Variants in SORCS3 observed in about 807,000 individuals in gnomAD.
SORCS3 encodes the protein VPS10 domain-containing receptor SorCS3.
SORCS3 carries 57 observed loss-of-function variants against 146.3 expected under a neutral mutation model. The ratio of observed to expected loss-of-function variants is 0.39; its 90% confidence interval spans 0.31 to 0.49. The LOEUF (loss-of-function observed/expected upper bound fraction) is 0.49. SORCS3 is among the 20% of genes least tolerant of loss of function. SORCS3 has a pLI of 0.92. For missense variants in SORCS3, 1,341 were observed against 1,575.5 expected (o/e 0.85, Z 2.52); for synonymous variants, 653 against 618.5 (o/e 1.06, Z -0.83).
intron 1 of SORCS3, among the ~76,000 whole-genome samples, chr10:104,727,005 T>A (rs866979042): frequency 2.6e-5 from 4 of 152,214 alleles, no homozygotes; most frequent in Non-Finnish European, 5.9e-5. Context: ...TAGCTCTGAT[T>A]GTCTGTCCAT....
At chr10:104,812,735 T>G (rs1048667740) in intron 1 of SORCS3, among the ~76,000 whole-genome samples, 1 of 151,958 alleles carries the variant, frequency 6.6e-6, no homozygotes, top group African/African-American at 2.4e-5. Context: ...GCTGGATGAG[T>G]AGACAGCAAG....
At chr10:104,995,311 C>T (rs1391343858) in intron 4 of SORCS3, among the ~76,000 whole-genome samples, 1 of 151,994 alleles carries the variant, frequency 6.6e-6, no homozygotes, top group African/African-American at 2.4e-5. Context: ...AGGTGCACGC[C>T]ACCATGACCG....
chr10:105,143,761 T>C (rs1020014071), intron 8 of SORCS3, among the ~76,000 whole-genome samples: 2 of 152,174 alleles, frequency 1.3e-5, no homozygotes, highest in South Asian at 4.1e-4. Context: ...AAGAGGAGTT[T>C]CATAAATCAC....
chr10:104,736,291 G>C (rs566329713), intron 1 of SORCS3, among the ~76,000 whole-genome samples: 1 of 152,298 alleles, frequency 6.6e-6, no homozygotes, highest in African/African-American at 2.4e-5. Flanking sequence ...GCCACGGCGG[G>C]GCGGGTTGAG....
intron 1 of SORCS3, among the ~76,000 whole-genome samples, chr10:104,790,476 C>A (rs756673378): frequency 1.2e-4 from 19 of 152,216 alleles, no homozygotes; most frequent in Non-Finnish European, 2.4e-4. Context: ...AAGGTCCCAT[C>A]TCTGCAGTTT....
At chr10:105,091,172 TCCTCCTTCCTTCATC>T (rs2055699970) in intron 6 of SORCS3, among the ~76,000 whole-genome samples, 2 of 123,794 alleles carry the variant, frequency 1.6e-5, no homozygotes, top group Non-Finnish European at 3.4e-5. Flanking sequence ...TCCCTTCCTT[TCCTCCTTCCTTCATC>T]CCTCCTTCCT....
intron 1 of SORCS3, among the ~76,000 whole-genome samples, chr10:104,663,873 A>G (rs1227554373): frequency 6.6e-6 from 1 of 152,008 alleles, no homozygotes; most frequent in Non-Finnish European, 1.5e-5. Flanking sequence ...GAAGATCTCT[A>G]TCATCCCCCA....
intron 4 of SORCS3, among the ~76,000 whole-genome samples, chr10:105,027,793 T>G (rs2133693228): frequency 6.6e-6 from 1 of 152,310 alleles, no homozygotes; most frequent in Admixed American, 6.5e-5. Context: ...CAGGACATGG[T>G]GCTGAAGGGC....
At chr10:104,991,130 TC>T (rs2054991511) in intron 4 of SORCS3, among the ~76,000 whole-genome samples, 1 of 152,172 alleles carries the variant, frequency 6.6e-6, no homozygotes, top group African/African-American at 2.4e-5. Flanking sequence ...GACTCCAGTT[TC>T]CATTGATCCC....
chr10:104,813,638 C>A lies in SORCS3; in HGVS notation c.628-29154C>A, dbSNP rs375854383. ...CAGCGTTGGGTCTAATGGCCTGTCC[C>A]ACACCCCTTAGCCTCTCTTCATGGG... On this transcript the variant is annotated intron_variant, in intron 1 of 26. Transcript: ENST00000369701. Among the ~76,000 whole-genome samples, 10 of 152,288 alleles carry A rather than the reference C, an allele frequency of 6.6e-5. No homozygotes were observed. In the East Asian group the frequency reaches 1.9e-3, roughly 29 times the overall value.
At chr10:104,935,988 T>C (rs2019256158) in intron 3 of SORCS3, among the ~76,000 whole-genome samples, 1 of 152,176 alleles carries the variant, frequency 6.6e-6, no homozygotes, top group Non-Finnish European at 1.5e-5. Context: ...GCATCAGGTC[T>C]GTGTCCTAGA....
In SORCS3 at chr10:105,256,706, C is replaced by T. The variant is rs1309579420; in HGVS notation, c.3338-113C>T. ...AGATATCAGGCAGGGGAATTGGAGA[C>T]TAGACATAAGGATGGAGATCAGTGG... On this transcript the variant is annotated intron_variant, in intron 24 of 26. Coordinates refer to ENST00000369701, the MANE Select transcript of SORCS3 (RefSeq NM_014978.3). 1.2e-5 allele frequency: 9 copies of T among 745,466 alleles called. No homozygotes were observed. In the Admixed American group the frequency reaches 1.9e-4, roughly 16 times the overall value. The allele number at this position is 745,466 out of a possible 1,614,324, so 46.2% of individuals were successfully genotyped here.
intron 2 of SORCS3, among the ~76,000 whole-genome samples, chr10:104,873,290 T>G (rs2018538055): frequency 6.6e-6 from 1 of 152,234 alleles, no homozygotes; most frequent in African/African-American, 2.4e-5. Context: ...TCATTCTTCC[T>G]TACTGGCTGA....
intron 1 of SORCS3, among the ~76,000 whole-genome samples, chr10:104,723,277 A>G (rs1645800257): frequency 6.6e-6 from 1 of 152,190 alleles, no homozygotes; most frequent in East Asian, 1.9e-4. Flanking sequence ...GTTTCCATGT[A>G]GTTGAGCAGT....
intron 1 of SORCS3, among the ~76,000 whole-genome samples, chr10:104,754,542 G>T (rs542766179): frequency 1.3e-5 from 2 of 152,136 alleles, no homozygotes; most frequent in South Asian, 4.1e-4. Context: ...CCCCCCTGGC[G>T]TTTTTGGTTT....
intron 14 of SORCS3, among the ~76,000 whole-genome samples, chr10:105,185,063 T>C (rs2056466572): frequency 6.6e-6 from 1 of 152,232 alleles, no homozygotes; most frequent in African/African-American, 2.4e-5. Flanking sequence ...TCATAAAGTA[T>C]GTGTCCTTCG....
chr10:104,696,098 A>G (rs1418086768), intron 1 of SORCS3, among the ~76,000 whole-genome samples: 2 of 116,606 alleles, frequency 1.7e-5, no homozygotes, highest in African/African-American at 6.7e-5. Context: ...TATATAATAT[A>G]TCATATACAC....
chr10:105,171,387 T>C (rs543875885), intron 13 of SORCS3, among the ~76,000 whole-genome samples: 68 of 152,274 alleles, frequency 4.5e-4, no homozygotes, highest in Non-Finnish European at 8.8e-4. Context: ...GGGCCCCCAC[T>C]GAATAGAGAG....
At chr10:104,701,987 G>C (rs1338105156) in intron 1 of SORCS3, among the ~76,000 whole-genome samples, 1 of 152,088 alleles carries the variant, frequency 6.6e-6, no homozygotes, top group Non-Finnish European at 1.5e-5. Flanking sequence ...GGTTTTGTGG[G>C]CCACCGGGTG....
Sources: gnomAD v4.1 joint callset for allele counts (sites outside exome capture counted in the v4.1 genomes callset) on GRCh38, gnomAD v4.1.1 for gene constraint, MANE v1.5 for transcripts, NCBI Gene and HGNC (gene_info 2026-07-23, HGNC 2026-07-21) for gene names.